TBC1D9: variants seen among roughly 807,000 people sequenced by gnomAD.
TBC1D9 encodes TBC1 domain family member 9.
In TBC1D9, 63 loss-of-function variants were observed where a neutral mutation model predicts 132.0. The ratio of observed to expected loss-of-function variants is 0.48; its 90% confidence interval spans 0.39 to 0.59. The LOEUF (loss-of-function observed/expected upper bound fraction) is 0.59. TBC1D9 is among the 20% of genes least tolerant of loss of function. The probability of loss-of-function intolerance (pLI) is 0.00; values close to 1 mark genes in which losing one functional copy is unlikely to be tolerated. For missense variants in TBC1D9, 1,261 were observed against 1,592.7 expected, an observed-to-expected ratio of 0.79 and a Z score of 3.54; for synonymous variants, 610 against 609.9, an observed-to-expected ratio of 1.00 and a Z score of 0.00.
chr4:140,728,000 A>G (rs1738526682), intron 1 of TBC1D9, among the ~76,000 whole-genome samples: 1 of 152,238 alleles, frequency 6.6e-6, no homozygotes, highest in Non-Finnish European at 1.5e-5. Flanking sequence ...CTACCAGAAA[A>G]ATAGAGTAGA....
chr4:140,747,743 C>G (rs967950289), intron 1 of TBC1D9, among the ~76,000 whole-genome samples: 20 of 152,124 alleles, frequency 1.3e-4, no homozygotes, highest in African/African-American at 3.6e-4. Context: ...ACTGGGGGGA[C>G]CAGGATAGGA....
intron 1 of TBC1D9, among the ~76,000 whole-genome samples, chr4:140,739,811 T>C (rs1471668766): frequency 6.6e-6 from 1 of 152,152 alleles, no homozygotes; most frequent in Non-Finnish European, 1.5e-5. Flanking sequence ...AAGACCAGCC[T>C]AGGCAATAAC....
In TBC1D9 at chr4:140,736,465, C is replaced by T. The variant is rs558130543; in HGVS notation, c.130+19451G>A. Among the ~76,000 whole-genome samples, 253 of 152,082 alleles carry T rather than the reference C, an allele frequency of 1.7e-3. 1 individual carries two copies. Among genetic ancestry groups the T allele is most frequent in the African/African-American group, 5.7e-3 (236 of 41,486 alleles). On this transcript the variant is annotated intron_variant, in intron 1 of 20. Coordinates refer to ENST00000442267, the MANE Select transcript of TBC1D9 (RefSeq NM_015130.3). ...TTGAGACAGGAGAATTGCTTGAACC[C>T]GGGAGGCAGAGGTGCAGTGAGCCAA...
chr4:140,675,936 T>C (rs1737616563), intron 6 of TBC1D9, among the ~76,000 whole-genome samples: 1 of 152,166 alleles, frequency 6.6e-6, no homozygotes, highest in Admixed American at 6.5e-5. Context: ...CCTGGAGGGA[T>C]TACCCTTCCC....
intron 18 of TBC1D9, among the ~76,000 whole-genome samples, chr4:140,626,700 T>A (rs1167574724): frequency 1.3e-5 from 2 of 152,212 alleles, no homozygotes; most frequent in East Asian, 3.8e-4. Flanking sequence ...TGGAGACATA[T>A]ATGAGTTGAA....
Position 140,634,163 on chromosome 4 carries a change from C to T in TBC1D9, c.2531G>A (p.Trp844Ter). The T allele has an allele frequency of 6.2e-7, 1 of 1,613,566 alleles. No individual in the cohort carries two copies. Among genetic ancestry groups the T allele is most frequent in the Non-Finnish European group, 8.5e-7 (1 of 1,179,890 alleles). The change falls in exon 16 of 21, where the codon TGG becomes TAG. Residue 844 changes from tryptophan to a stop codon, truncating the protein, a stop_gained. Transcript: ENST00000442267. LOFTEE classifies it high-confidence loss of function. ...GTCCAGCGCGTTGCTGCTCCCGCCC[C>T]AGTAGCAGCTGGTGAGATGTTCTGC... ...FKAEHLTSCY[W>*]GGSSNALDRH...
chr4:140,747,164 G>A (rs11734501), intron 1 of TBC1D9, among the ~76,000 whole-genome samples: 42,076 of 151,810 alleles, frequency 0.28, 6,754 homozygotes, highest in South Asian at 0.44. Context: ...CCTGGCCAAC[G>A]TGGTGAAAGC....
chr4:140,722,657 G>T (rs920619434), intron 1 of TBC1D9, among the ~76,000 whole-genome samples: 29 of 152,220 alleles, frequency 1.9e-4, no homozygotes, highest in Admixed American at 6.5e-4. Flanking sequence ...TCTTAAAAAT[G>T]ATACCCTTGT....
intron 13 of TBC1D9, chr4:140,644,364 G>A: frequency 3.5e-6 from 1 of 289,098 alleles, no homozygotes; most frequent in Non-Finnish European, 6.9e-6. Flanking sequence ...AGCAGGGTAG[G>A]TGTAGGCAGG....
chr4:140,699,369 G>A (rs1738028426), intron 2 of TBC1D9, among the ~76,000 whole-genome samples: 1 of 152,166 alleles, frequency 6.6e-6, no homozygotes, highest in African/African-American at 2.4e-5. Context: ...TTGAAAAGGG[G>A]AAGAACAGAG....
In TBC1D9 at chr4:140,679,607, T is replaced by C. The variant is rs372645071; in HGVS notation, c.589+8A>G. 229 of 1,605,920 alleles carry C rather than the reference T, an allele frequency of 1.4e-4. No individual in the cohort carries two copies. Among genetic ancestry groups the C allele is most frequent in the African/African-American group, 1.1e-3 (82 of 74,764 alleles). ...CAAAGTTTCCTGCTGAAATTTTAGA[T>C]GACTTACCTTCCCTTCCCATAAGAA... On this transcript the variant is annotated splice_region_variant and intron_variant, in intron 4 of 20. Coordinates refer to ENST00000442267, the MANE Select transcript of TBC1D9 (RefSeq NM_015130.3).
rs184885985 is a variant in TBC1D9 at position 140,716,504 on chromosome 4, A to T, written c.131-14890T>A. 3.9e-5 allele frequency among the ~76,000 whole-genome samples: 6 copies of T among 152,254 alleles called. No homozygotes were observed. The East Asian group carries it at 1.2e-3, about 29-fold the overall frequency. ...GACCCTGTCTCAAAAAAGAAAAAAAAATATCAATAATGGATGAGAAGAAAT... is the reference window on the plus strand; with the variant it reads ...GACCCTGTCTCAAAAAAGAAAAAAATATATCAATAATGGATGAGAAGAAAT... On this transcript the variant is annotated intron_variant, in intron 1 of 20. Coordinates refer to ENST00000442267, the MANE Select transcript of TBC1D9 (RefSeq NM_015130.3).
Position 140,643,258 on chromosome 4 carries a change from C to G in TBC1D9, c.2338-3830G>C, listed in dbSNP as rs993692681. 3.6e-5 allele frequency: 47 copies of G among 1,302,464 alleles called. 1 individual carries two copies. In the African/African-American group the frequency reaches 4.8e-4, roughly 13 times the overall value. 80.7% of individuals were successfully genotyped at this position (1,302,464 alleles called of 1,614,324 possible). A position where few individuals can be genotyped will look rare whatever the true frequency, so the allele number is the denominator to read the frequency against. ...CTCCTCCTCTCCAGCTCCAGCTCTG[C>G]GATCTCGCTCAGCAGGGTGATGCCG... is the stretch of plus-strand genomic sequence containing the variant. On this transcript the variant is annotated intron_variant, in intron 13 of 20. Coordinates refer to ENST00000442267, the MANE Select transcript of TBC1D9 (RefSeq NM_015130.3).
intron 1 of TBC1D9, among the ~76,000 whole-genome samples, chr4:140,709,219 A>ATC (rs145661338): frequency 0.17 from 15,051 of 87,578 alleles, 1,583 homozygotes; most frequent in East Asian, 0.38. Flanking sequence ...AACCAGCCTT[A>ATC]TCTCTCTCTC....
chr4:140,668,527 T>C (rs72947343), intron 9 of TBC1D9, among the ~76,000 whole-genome samples: 88 of 152,266 alleles, frequency 5.8e-4, no homozygotes, highest in African/African-American at 2.1e-3. Flanking sequence ...ACCCGATGAC[T>C]GCTCTGAGGA....
intron 2 of TBC1D9, among the ~76,000 whole-genome samples, chr4:140,697,880 A>C (rs1737999094): frequency 6.6e-6 from 1 of 152,144 alleles, no homozygotes; most frequent in Non-Finnish European, 1.5e-5. Context: ...TGAGGTGGGA[A>C]GACCGAGCCT....
At chr4:140,686,033 C>G (rs1737773946) in intron 3 of TBC1D9, among the ~76,000 whole-genome samples, 1 of 152,114 alleles carries the variant, frequency 6.6e-6, no homozygotes, top group Non-Finnish European at 1.5e-5. Flanking sequence ...ATGATGACTA[C>G]CCCACATACC....
chr4:140,642,359 G>T (rs762406241), intron 13 of TBC1D9: 2 of 834,282 alleles, frequency 2.4e-6, no homozygotes. Context: ...CGGCCCTTTT[G>T]TGTTTACCTT....
intron 1 of TBC1D9, among the ~76,000 whole-genome samples, chr4:140,702,628 AACTGGGAACC>A (rs1193387721): frequency 6.6e-6 from 1 of 152,196 alleles, no homozygotes; most frequent in Non-Finnish European, 1.5e-5. Context: ...GACAGCTTCA[AACTGGGAACC>A]TGTCATCAGT....
Sources: allele counts gnomAD v4.1 joint callset (sites outside exome capture counted in the v4.1 genomes callset), GRCh38; gene constraint gnomAD v4.1.1; transcripts MANE v1.5; gene names NCBI Gene and HGNC (gene_info 2026-07-23, HGNC 2026-07-21).